Variants in MGST2 observed in about 807,000 individuals in gnomAD.
The protein encoded by MGST2 is glutathione peroxidase MGST2.
MGST2 carries 9 observed loss-of-function variants against 16.6 expected under a neutral mutation model. The observed-to-expected ratio is 0.54, with a 90% confidence interval of 0.33 to 0.95. The LOEUF (loss-of-function observed/expected upper bound fraction) is 0.95. MGST2 is among the 40% of genes least tolerant of loss of function. The probability of loss-of-function intolerance (pLI) is 0.03; values close to 1 mark genes in which losing one functional copy is unlikely to be tolerated. For synonymous variants in MGST2, 79 were observed against 68.0 expected (o/e 1.16, Z -0.79); for missense variants, 159 against 175.1 (o/e 0.91, Z 0.52).
chr4:139,690,399 C>T (rs1726510650), intron 2 of MGST2, among the ~76,000 whole-genome samples: 1 of 152,180 alleles, frequency 6.6e-6, no homozygotes, highest in Non-Finnish European at 1.5e-5. Flanking sequence ...TCTCTGCCTC[C>T]CAAAGGCCCG....
At chr4:139,681,853 G>C (rs1579300603) in intron 2 of MGST2, among the ~76,000 whole-genome samples, 2 of 152,248 alleles carry the variant, frequency 1.3e-5, no homozygotes, top group East Asian at 3.9e-4. Flanking sequence ...CTTGGAGTTT[G>C]CTGAGGAAGC....
chr4:139,686,224 G>A (rs1206514665), intron 2 of MGST2, among the ~76,000 whole-genome samples: 1 of 152,174 alleles, frequency 6.6e-6, no homozygotes, highest in African/African-American at 2.4e-5. Context: ...GTTGACAACT[G>A]GTTGAGTTTA....
chr4:139,730,883 GGC>G (rs1246552770), intron 5 of MGST2: 3 of 587,084 alleles, frequency 5.1e-6, no homozygotes, highest in Non-Finnish European at 9.1e-6. Context: ...AAGAGAGCAT[GGC>G]TCTGGGAAGT....
intron 5 of MGST2, among the ~76,000 whole-genome samples, chr4:139,723,425 C>T (rs6841149): frequency 0.19 from 28,776 of 152,166 alleles, 3,093 homozygotes; most frequent in East Asian, 0.25. Context: ...ATTCTCCTGC[C>T]CCAGCCTCCG....
At chr4:139,703,721 T>C (rs1003489796) in intron 4 of MGST2, among the ~76,000 whole-genome samples, 185 bp downstream of exon 4, 12 of 152,328 alleles carry the variant, frequency 7.9e-5, no homozygotes, top group Non-Finnish European at 1.6e-4. Context: ...AATGCAAGTA[T>C]AAAACTGTGC....
At chr4:139,753,144 C>A in the MGST2 span, among the ~76,000 whole-genome samples, 1 of 152,134 alleles carries the variant, frequency 6.6e-6, no homozygotes, top group Non-Finnish European at 1.5e-5. Flanking sequence ...CCTTCTTTCC[C>A]TTTTCATTGG....
chr4:139,729,400 G>A (rs1276738176), intron 5 of MGST2, among the ~76,000 whole-genome samples: 1 of 152,070 alleles, frequency 6.6e-6, no homozygotes, highest in African/African-American at 2.4e-5. Context: ...TGGGAGGATC[G>A]CTTGAGGCCA....
intron 2 of MGST2, among the ~76,000 whole-genome samples, chr4:139,679,975 T>A (rs562865174): frequency 6.6e-6 from 1 of 152,296 alleles, no homozygotes; most frequent in South Asian, 2.1e-4. Context: ...AACAAATAAC[T>A]CTTCCTTGTC....
At chr4:139,671,694 T>G (rs1358703087) in intron 1 of MGST2, among the ~76,000 whole-genome samples, 1 of 152,054 alleles carries the variant, frequency 6.6e-6, no homozygotes, top group African/African-American at 2.4e-5. Flanking sequence ...CAGGCTGGAG[T>G]GCAGTGGTGT....
chr4:139,730,532 T>C lies in MGST2; in HGVS notation c.*49-9680T>C, dbSNP rs148876598. ...CGCTGATCAATGAGCATCTGCTTCATGATGGCTGCTTGGGGCTGGCTGCCC... is the reference window on the plus strand; with the variant it reads ...CGCTGATCAATGAGCATCTGCTTCACGATGGCTGCTTGGGGCTGGCTGCCC... On this transcript the variant is annotated intron_variant, in intron 5 of 5. Transcript: ENST00000616265. 117 of 1,570,218 alleles carry C rather than the reference T, an allele frequency of 7.5e-5. No homozygotes were observed. The East Asian group carries it at 2.7e-3, about 36-fold the overall frequency.
At chr4:139,748,082 C>T in the MGST2 span, among the ~76,000 whole-genome samples, 753 of 143,684 alleles carry the variant, frequency 5.2e-3, 7 homozygotes, top group Middle Eastern at 0.02. Flanking sequence ...AAAAAGAATG[C>T]ACATATAGAG....
Position 139,715,862 on chromosome 4 carries a change from A to G in MGST2, c.*48+11666A>G, listed in dbSNP as rs1727933647. ...GCCGTGTATTTTGTGCTGAACTCCT[A>G]TCTCATCCTGTGACTTAGAATGCCT... On this transcript the variant is annotated intron_variant, in intron 5 of 5. Transcript: ENST00000616265. The surrounding 1 kb of genome is among the most constrained non-coding windows in gnomAD (Gnocchi z 4.4). 6.6e-6 allele frequency among the ~76,000 whole-genome samples: 1 copy of G among 152,038 alleles called. No homozygotes were observed.
In MGST2 at chr4:139,702,867, T is replaced by C. The variant is rs796674629; in HGVS notation, c.230-588T>C. 1.5e-3 allele frequency among the ~76,000 whole-genome samples: 204 copies of C among 132,434 alleles called. 6 individuals carry two copies. The highest frequency in any genetic ancestry group is 4.8e-3 in the African/African-American group (180 of 37,138). The allele number at this position is 132,434 out of a possible 152,430, so 86.9% of individuals were successfully genotyped here. A position where few individuals can be genotyped will look rare whatever the true frequency, so the allele number is the denominator to read the frequency against. On this transcript the variant is annotated intron_variant, in intron 3 of 4. Coordinates refer to ENST00000265498, the MANE Select transcript of MGST2 (RefSeq NM_002413.5). ...TGGTTTTTTTTTTTTTTTTTTTTTT[T>C]TTTACAATTTTAGCCATTCTGTTGG...
chr4:139,730,441 TG>T, intron 5 of MGST2: 2 of 1,550,148 alleles, frequency 1.3e-6, no homozygotes, highest in East Asian at 4.9e-5. Flanking sequence ...CTGCTGCTGC[TG>T]CTGCTGCTGC....
At chr4:139,667,990 G>A (rs1730461985) in intron 1 of MGST2, among the ~76,000 whole-genome samples, 1 of 152,142 alleles carries the variant, frequency 6.6e-6, no homozygotes, top group Non-Finnish European at 1.5e-5. Flanking sequence ...TGCCCAAAGG[G>A]GTCTGGCTAC....
At chr4:139,710,295 G>C (rs1057262266) in intron 5 of MGST2, among the ~76,000 whole-genome samples, 1 of 152,200 alleles carries the variant, frequency 6.6e-6, no homozygotes, top group African/African-American at 2.4e-5. Context: ...CAGATGTCTA[G>C]TGACTTTCTA....
chr4:139,734,749 T>C (rs1234024057), intron 5 of MGST2, among the ~76,000 whole-genome samples: 1 of 152,226 alleles, frequency 6.6e-6, no homozygotes, highest in Non-Finnish European at 1.5e-5. Flanking sequence ...AAGCTTTATT[T>C]TTCTGAAGTG....
chr4:139,670,300 C>A (rs2110789727), intron 1 of MGST2, among the ~76,000 whole-genome samples: 1 of 151,490 alleles, frequency 6.6e-6, no homozygotes, highest in African/African-American at 2.4e-5. Context: ...TCTGTGAAAT[C>A]TTTTAAAGAG....
At chr4:139,745,901 GACC>G in the MGST2 span, among the ~76,000 whole-genome samples, 40 of 152,310 alleles carry the variant, frequency 2.6e-4, no homozygotes, top group Non-Finnish European at 4.9e-4. Context: ...CAGGAAATGT[GACC>G]ACAACAACTT....
Sources: gnomAD v4.1 joint callset for allele counts (sites outside exome capture counted in the v4.1 genomes callset) on GRCh38, gnomAD v4.1.1 for gene constraint, Gnocchi (gnomAD v3.1) non-coding constraint, MANE v1.5 for transcripts, NCBI Gene and HGNC (gene_info 2026-07-23, HGNC 2026-07-21) for gene names.